Variants in NRXN2 observed in about 807,000 individuals in gnomAD.
NRXN2 encodes neurexin-2-beta.
NRXN2 carries 29 observed loss-of-function variants against 128.8 expected under a neutral mutation model. The ratio of observed to expected loss-of-function variants is 0.23; its 90% CI spans 0.17 to 0.31. The LOEUF is 0.31. NRXN2 is among the 10% of genes least tolerant of loss of function. The pLI is 1.00. For missense variants in NRXN2, 1,881 were observed against 2,452.6 expected (o/e 0.77, Z 4.92); for synonymous variants, 1,098 against 1,075.2 (o/e 1.02, Z -0.41).
At chr11:64,619,154 G>T (rs752290256) in intron 22 of NRXN2, among the ~76,000 whole-genome samples, 21 of 151,798 alleles carry the variant, frequency 1.4e-4, no homozygotes, top group Non-Finnish European at 2.4e-4. Context: ...CGCAAGCACC[G>T]GCCCCAACCT....
intron 6 of NRXN2, among the ~76,000 whole-genome samples, chr11:64,682,671 A>C (rs1168411920): frequency 1.3e-5 from 2 of 152,222 alleles, no homozygotes; most frequent in Non-Finnish European, 2.9e-5. Flanking sequence ...GGTGCTGGCT[A>C]ATGAGGAAAT....
intron 17 of NRXN2, among the ~76,000 whole-genome samples, chr11:64,636,480 T>C (rs2044742061): frequency 6.6e-6 from 1 of 151,984 alleles, no homozygotes; most frequent in Admixed American, 6.5e-5. Flanking sequence ...TAGTACTCCA[T>C]GGCCTGCAGA....
intron 3 of NRXN2, among the ~76,000 whole-genome samples, chr11:64,695,097 G>A (rs992694898): frequency 2.0e-5 from 3 of 152,078 alleles, no homozygotes; most frequent in Non-Finnish European, 4.4e-5. Flanking sequence ...TCTACCCCTG[G>A]CTCAGTCCCA....
intron 22 of NRXN2, among the ~76,000 whole-genome samples, chr11:64,619,518 C>A (rs2042008327): frequency 6.6e-6 from 1 of 152,124 alleles, no homozygotes; most frequent in Non-Finnish European, 1.5e-5. Context: ...GCACCCTTGG[C>A]TCCAGCAAGA....
chr11:64,704,429 G>A (rs927192020), intron 2 of NRXN2, among the ~76,000 whole-genome samples: 1 of 152,056 alleles, frequency 6.6e-6, no homozygotes, highest in Non-Finnish European at 1.5e-5. Context: ...CTCTATAGGA[G>A]TCATGGAGCT....
At chr11:64,661,975 G>A (rs1591912758) in intron 9 of NRXN2, among the ~76,000 whole-genome samples, 3 of 152,022 alleles carry the variant, frequency 2.0e-5, no homozygotes, top group Admixed American at 6.6e-5. Context: ...GTGCTTGGCC[G>A]GGCATGGTGG....
chr11:64,638,640 G>C (rs1415221516), intron 17 of NRXN2, among the ~76,000 whole-genome samples: 1 of 152,222 alleles, frequency 6.6e-6, no homozygotes, highest in Non-Finnish European at 1.5e-5. Context: ...AAAGGCAAGA[G>C]GGGCCTAAGC....
chr11:64,649,033 C>G, intron 15 of NRXN2, 126 bp from the exon 16 acceptor site: 1 of 977,080 alleles, frequency 1.0e-6, no homozygotes, highest in Non-Finnish European at 1.6e-6. Context: ...TTCCAGGTCC[C>G]TAACAGAGAT....
chr11:64,696,750 G>A (rs984776409), intron 3 of NRXN2, among the ~76,000 whole-genome samples: 1 of 152,136 alleles, frequency 6.6e-6, no homozygotes. Flanking sequence ...CCTCCCCAGG[G>A]ACGCCCTTGC....
At chr11:64,697,743 C>A in intron 3 of NRXN2, 32 bp downstream of exon 3, 1 of 1,613,382 alleles carries the variant, frequency 6.2e-7, no homozygotes, top group Non-Finnish European at 8.5e-7. Flanking sequence ...GCAACAGATC[C>A]ACTACCCCAG....
intron 9 of NRXN2, among the ~76,000 whole-genome samples, chr11:64,664,288 T>C (rs1037236663): frequency 1.3e-5 from 2 of 151,052 alleles, no homozygotes; most frequent in African/African-American, 2.4e-5. Flanking sequence ...ACCAGCCTGA[T>C]CAACATGGTG....
chr11:64,655,700 C>A (rs184840022), intron 11 of NRXN2, among the ~76,000 whole-genome samples: 7 of 152,280 alleles, frequency 4.6e-5, no homozygotes, highest in Admixed American at 2.6e-4. Flanking sequence ...TCCAGGCCCA[C>A]CCCTGCAGAG....
intron 9 of NRXN2, among the ~76,000 whole-genome samples, chr11:64,666,114 C>G (rs1486005980): frequency 6.6e-6 from 1 of 152,090 alleles, no homozygotes; most frequent in African/African-American, 2.4e-5. Context: ...CAGCCAAGAT[C>G]GTCTCTTTAG....
At chr11:64,619,261 C>A (rs1403907616) in intron 22 of NRXN2, among the ~76,000 whole-genome samples, 1 of 152,064 alleles carries the variant, frequency 6.6e-6, no homozygotes, top group Admixed American at 6.5e-5. Flanking sequence ...TGGCCCTCCA[C>A]TCCCACAGAC....
chr11:64,620,319 G>GTCC lies in NRXN2; in HGVS notation c.4224_4226dup (p.Glu1408dup), dbSNP rs1273658558. 1 of 1,553,910 alleles carries GTCC rather than the reference G, an allele frequency of 6.4e-7. No homozygotes were observed. The highest frequency in any genetic ancestry group is 8.7e-7 in the Non-Finnish European group (1 of 1,148,280). On this transcript the variant is annotated inframe_insertion, in exon 22 of 23. Coordinates refer to ENST00000265459, the MANE Select transcript of NRXN2 (RefSeq NM_015080.4). Reference sequence around the variant, plus strand: ...CAGTACTGGGCTCACACTCCTCCAGGTCCTCATCATCGCTTGGACACTCAG... The same window carrying GTCC: ...CAGTACTGGGCTCACACTCCTCCAGGTCCTCCTCATCATCGCTTGGACACTCAG...
intron 1 of NRXN2, among the ~76,000 whole-genome samples, chr11:64,719,717 C>T (rs769375755): frequency 9.2e-5 from 14 of 152,104 alleles, no homozygotes; most frequent in Non-Finnish European, 1.6e-4. Context: ...ACCAAGCTTA[C>T]CTATGCTGTG....
At chr11:64,615,079 C>G (rs1377410794) in intron 22 of NRXN2, among the ~76,000 whole-genome samples, 1 of 152,262 alleles carries the variant, frequency 6.6e-6, no homozygotes, top group Non-Finnish European at 1.5e-5. Context: ...ACCTCACAGC[C>G]TTCCTTAAAG....
intron 20 of NRXN2, among the ~76,000 whole-genome samples, chr11:64,625,183 A>G (rs2042910628): frequency 6.6e-6 from 1 of 152,082 alleles, no homozygotes; most frequent in Admixed American, 6.5e-5. Flanking sequence ...CCACCCCCCA[A>G]CAGGGCCTGT....
At chr11:64,609,520 A>G (rs1267931625) in intron 22 of NRXN2, among the ~76,000 whole-genome samples, 1 of 152,200 alleles carries the variant, frequency 6.6e-6, no homozygotes, top group African/African-American at 2.4e-5. Flanking sequence ...CAGAAACTGC[A>G]ATTCCCATCA....
Sources: gnomAD v4.1 joint callset for allele counts (sites outside exome capture counted in the v4.1 genomes callset) on GRCh38, gnomAD v4.1.1 for gene constraint, MANE v1.5 for transcripts, NCBI Gene and HGNC (gene_info 2026-07-23, HGNC 2026-07-21) for gene names.